The following LRRC2 variants were observed in gnomAD, a reference collection of about 807,000 sequenced individuals.
LRRC2 encodes the protein leucine rich repeat containing 2, also known as leucine-rich repeat-containing protein 2.
In LRRC2, 27 loss-of-function variants were observed where a neutral mutation model predicts 40.2. The observed-to-expected ratio is 0.67, with a 90% CI of 0.49 to 0.93. The LOEUF is 0.93. Among genes scored for constraint, LRRC2 ranks in the 40% least tolerant of loss-of-function variants. LRRC2 has a pLI of 0.00. For synonymous variants in LRRC2, 147 were observed against 158.9 expected (o/e 0.92, Z 0.56); for missense variants, 402 against 439.6 (o/e 0.91, Z 0.76).
At chr3:46,534,452 CTTTCTTTCTTTCTTTCTTTG>C (rs1259742769) in intron 4 of LRRC2, among the ~76,000 whole-genome samples, 83 of 144,482 alleles carry the variant, frequency 5.7e-4, no homozygotes, top group South Asian at 1.8e-3. Flanking sequence ...TTCTTTCTTT[CTTTCTTTCTTTCTTTCTTTG>C]TTTCTTTCTT....
At chr3:46,519,652 A>G (rs992519283) in intron 8 of LRRC2, among the ~76,000 whole-genome samples, 3 of 152,220 alleles carry the variant, frequency 2.0e-5, no homozygotes, top group South Asian at 2.1e-4. Context: ...TCAGAAGTGT[A>G]CTTTCTCAGG....
rs1275582982 is a variant in LRRC2 at position 46,545,086 on chromosome 3, C to T, written c.293G>A (p.Ser98Asn). 1.2e-6 allele frequency: 2 copies of T among 1,613,636 alleles called. No individual in the cohort carries two copies. The highest frequency in any genetic ancestry group is 3.3e-5 in the Admixed American group (2 of 60,020). The change falls in exon 3 of 9, where the codon AGC (serine) becomes AAC (asparagine). Residue 98 changes from serine (S) to asparagine (N), a missense_variant. Transcript: ENST00000395905. ...AGAAAGTTCAAACACAAACGCACTG[C>T]TCCGTTTGCCTCTGTCCTTGGGAAG... Reference protein sequence around the residue: ...SSLPKDRGKRSSAFVFELSGE... With the variant: ...SSLPKDRGKRNSAFVFELSGE...
At chr3:46,552,009 G>A (rs114425061) in intron 1 of LRRC2, among the ~76,000 whole-genome samples, 25 of 152,018 alleles carry the variant, frequency 1.6e-4, no homozygotes, top group African/African-American at 5.3e-4. Flanking sequence ...CTCTATTGCC[G>A]AGGCTGGGAG....
At chr3:46,536,529 C>T (rs1234289065) in intron 4 of LRRC2, among the ~76,000 whole-genome samples, 3 of 152,292 alleles carry the variant, frequency 2.0e-5, no homozygotes, top group South Asian at 4.1e-4. Context: ...ATACCCCTCA[C>T]CCACCAATCT....
chr3:46,552,815 T>C (rs776059769), intron 1 of LRRC2, among the ~76,000 whole-genome samples: 3 of 152,158 alleles, frequency 2.0e-5, no homozygotes, highest in Non-Finnish European at 2.9e-5. Context: ...TCCCTGCAGA[T>C]TGAACCTTCA....
At chr3:46,529,706 T>C (rs919419070) in intron 6 of LRRC2, among the ~76,000 whole-genome samples, 199 bp downstream of exon 6, 1 of 152,236 alleles carries the variant, frequency 6.6e-6, no homozygotes, top group African/African-American at 2.4e-5. Context: ...CAAATGCACG[T>C]AAACACATAC....
intron 2 of LRRC2, 30 bp downstream of exon 2, chr3:46,551,437 G>A (rs763126810): frequency 6.2e-7 from 1 of 1,603,790 alleles, no homozygotes; most frequent in Non-Finnish European, 8.5e-7. Context: ...CACCAAACAA[G>A]CTACAAGACT....
intron 2 of LRRC2, among the ~76,000 whole-genome samples, chr3:46,549,572 C>G (rs573372378): frequency 4.6e-5 from 7 of 152,302 alleles, no homozygotes; most frequent in African/African-American, 1.7e-4. Flanking sequence ...TAAGATGAGA[C>G]AGTGCACAAG....
At chr3:46,561,416 G>A (rs1430372248) in intron 1 of LRRC2, among the ~76,000 whole-genome samples, 1 of 152,114 alleles carries the variant, frequency 6.6e-6, no homozygotes, top group African/African-American at 2.4e-5. Flanking sequence ...ATAGCTGGGT[G>A]GTGGCATGCA....
chr3:46,560,661 G>A (rs1704917478), intron 1 of LRRC2, among the ~76,000 whole-genome samples: 2 of 152,184 alleles, frequency 1.3e-5, no homozygotes. Context: ...ATGGTTCCAA[G>A]ACAGCATCTG....
At chr3:46,557,788 G>A (rs1053250317) in intron 1 of LRRC2, 1 of 152,238 alleles carries the variant, frequency 6.6e-6, no homozygotes, top group Non-Finnish European at 1.5e-5. Flanking sequence ...TAACTAATAG[G>A]AGAACCCCTC....
chr3:46,551,747 TTTGC>T, intron 1 of LRRC2, 137 bp from the exon 2 acceptor site: 1 of 381,222 alleles, frequency 2.6e-6, no homozygotes, highest in Non-Finnish European at 4.2e-6. Context: ...AGGATGACAG[TTTGC>T]TTTTTTTTTT....
intron 1 of LRRC2, among the ~76,000 whole-genome samples, chr3:46,554,474 T>C (rs1704741617): frequency 6.6e-6 from 1 of 151,916 alleles, no homozygotes; most frequent in South Asian, 2.1e-4. Context: ...TGAAACCCCA[T>C]CTCTACTAAA....
At chr3:46,565,833 G>A (rs1705045777) in intron 1 of LRRC2, among the ~76,000 whole-genome samples, 1 of 152,226 alleles carries the variant, frequency 6.6e-6, no homozygotes, top group Admixed American at 6.5e-5. Flanking sequence ...CTTTGGACCA[G>A]AAAGCTTTGG....
Position 46,545,031 on chromosome 3 carries a change from A to C in LRRC2, c.333+15T>G. Reference sequence around the variant, plus strand: ...GACCACAGCACTGCATTGGGCGAGAACTGCCTCGACTCACCGTCCAGTGCT... The same window carrying C: ...GACCACAGCACTGCATTGGGCGAGACCTGCCTCGACTCACCGTCCAGTGCT... On this transcript the variant is annotated intron_variant, in intron 3 of 8. Transcript: ENST00000395905. 6.2e-7 allele frequency: 1 copy of C among 1,611,264 alleles called. No individual in the cohort carries two copies. Among genetic ancestry groups the C allele is most frequent in the Admixed American group, 1.7e-5 (1 of 60,022 alleles).
chr3:46,559,208 A>G (rs552381033), intron 1 of LRRC2: 1 of 152,356 alleles, frequency 6.6e-6, no homozygotes, highest in African/African-American at 2.4e-5. Context: ...TCGACTTAAA[A>G]GTCTCCATAA....
At chr3:46,540,309 G>T (rs1009264320) in intron 3 of LRRC2, among the ~76,000 whole-genome samples, 4 of 152,162 alleles carry the variant, frequency 2.6e-5, no homozygotes, top group Non-Finnish European at 5.9e-5. Context: ...TGAATCACCT[G>T]AGGTCAGGAG....
intron 3 of LRRC2, among the ~76,000 whole-genome samples, chr3:46,542,728 A>T (rs186935391): frequency 6.6e-6 from 1 of 152,324 alleles, no homozygotes; most frequent in Admixed American, 6.5e-5. Context: ...AGTAAAAATG[A>T]AAAATTCTAT....
At chr3:46,560,663 C>T (rs1704917562) in intron 1 of LRRC2, among the ~76,000 whole-genome samples, 1 of 152,204 alleles carries the variant, frequency 6.6e-6, no homozygotes, top group Admixed American at 6.5e-5. Flanking sequence ...GGTTCCAAGA[C>T]AGCATCTGAT....
Sources: allele counts gnomAD v4.1 joint callset (sites outside exome capture counted in the v4.1 genomes callset), GRCh38; gene constraint gnomAD v4.1.1; transcripts MANE v1.5; gene names NCBI Gene and HGNC (gene_info 2026-07-23, HGNC 2026-07-21).